Variants in VANGL1 observed in about 807,000 individuals in gnomAD.
VANGL1 encodes the protein vang-like protein 1.
In VANGL1, 18 loss-of-function variants were observed where a neutral mutation model predicts 48.4. The observed-to-expected ratio is 0.37, with a 90% CI of 0.26 to 0.55. The LOEUF (loss-of-function observed/expected upper bound fraction) is 0.55, where lower values mean the gene tolerates loss of function less well. Among genes scored for constraint, VANGL1 ranks in the 20% least tolerant of loss-of-function variants. The pLI is 0.81. For synonymous variants in VANGL1, 257 were observed against 261.8 expected, an observed-to-expected ratio of 0.98 and a Z score of 0.18; for missense variants, 667 against 675.8, an observed-to-expected ratio of 0.99 and a Z score of 0.14.
At chr1:115,663,325 A>G (rs921933043) in intron 3 of VANGL1, among the ~76,000 whole-genome samples, 2 of 152,188 alleles carry the variant, frequency 1.3e-5, no homozygotes, top group Non-Finnish European at 2.9e-5. Flanking sequence ...TGGGTTGCGC[A>G]TTGCAGGGCA....
At position 115,687,559 on chromosome 1, in the gene VANGL1, C is replaced by T. The variant is rs193293379; in HGVS notation, c.1314+2032C>T. 1.5e-3 allele frequency among the ~76,000 whole-genome samples: 206 copies of T among 138,416 alleles called. 45 individuals are homozygous for T. The highest frequency in any genetic ancestry group is 5.5e-3 in the African/African-American group (204 of 36,894). 90.8% of individuals were successfully genotyped at this position (138,416 alleles called of 152,430 possible). On this transcript the variant is annotated intron_variant, in intron 7 of 7. Coordinates refer to ENST00000355485, the MANE Select transcript of VANGL1 (RefSeq NM_138959.3). The stretch of plus-strand genomic sequence containing the variant: ...AAATCCAAACATTAAAGAAAAGTAT[C>T]ATGCGGAAAATGAAGTTTTCAGCCC...
intron 1 of VANGL1, among the ~76,000 whole-genome samples, chr1:115,648,782 C>CT (rs1227142429): frequency 6.6e-6 from 1 of 152,204 alleles, no homozygotes; most frequent in East Asian, 1.9e-4. Flanking sequence ...TCTGCGGGGC[C>CT]TGGGCCACCT....
chr1:115,680,098 C>T (rs1394918214), intron 4 of VANGL1, among the ~76,000 whole-genome samples: 3 of 151,982 alleles, frequency 2.0e-5, no homozygotes, highest in Admixed American at 6.6e-5. Context: ...TAAAGAAACA[C>T]TTGCCCCTCT....
chr1:115,676,757 C>G (rs1240329401), intron 4 of VANGL1, among the ~76,000 whole-genome samples: 1 of 152,240 alleles, frequency 6.6e-6, no homozygotes, highest in Non-Finnish European at 1.5e-5. Flanking sequence ...CGACCTCAGC[C>G]AGCACCTGGT....
At chr1:115,655,054 G>A (rs1323325966) in intron 2 of VANGL1, among the ~76,000 whole-genome samples, 2 of 152,204 alleles carry the variant, frequency 1.3e-5, no homozygotes, top group African/African-American at 2.4e-5. Flanking sequence ...GAGGGCCGCC[G>A]GGGCAGTGAG....
In VANGL1 at chr1:115,659,032, G is replaced by A. The variant is rs568149069; in HGVS notation, c.72-609G>A. The stretch of plus-strand genomic sequence containing the variant: ...TTTGGCCTTTTTTCCTAGCTTGTTT[G>A]TTTCTATGGGTGTCTTCAAGTTCAA... On this transcript the variant is annotated intron_variant, in intron 2 of 7. Transcript: ENST00000355485. 7.7e-4 allele frequency among the ~76,000 whole-genome samples: 117 copies of A among 151,986 alleles called. 1 individual carries two copies. Among genetic ancestry groups the A allele is most frequent in the Middle Eastern group, 3.4e-3 (1 of 294 alleles).
In VANGL1 at chr1:115,696,172, C is replaced by T. The variant is rs561517528; in HGVS notation, c.*4793C>T. 6.6e-6 allele frequency: 1 copy of T among 152,506 alleles called. No individual in the cohort carries two copies. Among genetic ancestry groups the T allele is most frequent in the South Asian group, 2.1e-4 (1 of 4,830 alleles). 9.4% of individuals were successfully genotyped at this position (152,506 alleles called of 1,614,324 possible). A position where few individuals can be genotyped will look rare whatever the true frequency, so the allele number is the denominator to read the frequency against. ...CTGCTGGCTTGGGCAAGATGCGTGCCTTGGGCCTTGGGTGCAGGGAGGCAG... is the reference window on the plus strand; with the variant it reads ...CTGCTGGCTTGGGCAAGATGCGTGCTTTGGGCCTTGGGTGCAGGGAGGCAG... On this transcript the variant is annotated 3_prime_UTR_variant, in exon 8 of 8. Transcript: ENST00000355485.
At position 115,691,109 on chromosome 1, in the gene VANGL1, C is replaced by T. The variant is rs757783317; in HGVS notation, c.1315-10C>T. The T allele has an allele frequency of 2.5e-6, 4 of 1,614,208 alleles. No individual in the cohort carries two copies. The highest frequency in any genetic ancestry group is 3.4e-6 in the Non-Finnish European group (4 of 1,180,056). Reference sequence around the variant, plus strand: ...TTTCTTCCCTAATGGCCTTTCTCCTCTGCTTCCAGGCCTTCCTAGAACGGT... The same window carrying T: ...TTTCTTCCCTAATGGCCTTTCTCCTTTGCTTCCAGGCCTTCCTAGAACGGT... On this transcript the variant is annotated splice_polypyrimidine_tract_variant and intron_variant, in intron 7 of 7. Transcript: ENST00000355485.
intron 2 of VANGL1, among the ~76,000 whole-genome samples, chr1:115,652,645 C>T (rs1223360946): frequency 2.0e-5 from 3 of 152,196 alleles, no homozygotes; most frequent in African/African-American, 7.2e-5. Flanking sequence ...CAGCTCTGCA[C>T]TGGCTTGGGA....
chr1:115,684,019 A>G lies in VANGL1; in HGVS notation c.1022A>G (p.Asn341Ser), dbSNP rs764624668. The change falls in exon 6 of 8, where the codon AAC becomes AGC. Residue 341 changes from asparagine to serine, a missense_variant. Physicochemically the swap from Asn to Ser is conservative, Grantham distance 46. Coordinates refer to ENST00000355485, the MANE Select transcript of VANGL1 (RefSeq NM_138959.3). ...AAARRRDSSH[N>S]ELYYEEAEHE... ...GCTCGGCGCAGGGACTCAAGCCACAACGAGTTGTATTATGAAGAGGCCGAA... is the reference window on the plus strand; with the variant it reads ...GCTCGGCGCAGGGACTCAAGCCACAGCGAGTTGTATTATGAAGAGGCCGAA... 6.2e-7 allele frequency: 1 copy of G among 1,614,180 alleles called. No homozygotes were observed. The highest frequency in any genetic ancestry group is 8.5e-7 in the Non-Finnish European group (1 of 1,180,010).
intron 1 of VANGL1, among the ~76,000 whole-genome samples, chr1:115,648,552 A>G (rs1177733075): frequency 6.6e-6 from 1 of 152,226 alleles, no homozygotes; most frequent in Non-Finnish European, 1.5e-5. Flanking sequence ...AATGAGGACA[A>G]GGAATGAAGT....
rs1653821632 is a variant in VANGL1, at chr1:115,691,263, G to A, written c.1459G>A (p.Asp487Asn). ...DGIVFVLKCL[D>N]FSLVVNVKKI... ...AATTGTGTTCGTCCTTAAGTGCTTG[G>A]ACTTCAGCCTCGTAGTCAATGTGAA... Residue 487 changes from aspartate to asparagine, a missense_variant, in exon 8 of 8, where the codon GAC becomes AAC. Asp to Asn is a conservative substitution (Grantham distance 23). Transcript: ENST00000355485. The A allele has an allele frequency of 2.5e-6, 4 of 1,614,090 alleles. No individual in the cohort carries two copies. The highest frequency in any genetic ancestry group is 2.2e-5 in the East Asian group (1 of 44,870).
At chr1:115,658,576 A>C (rs1652430645) in intron 2 of VANGL1, among the ~76,000 whole-genome samples, 1 of 152,196 alleles carries the variant, frequency 6.6e-6, no homozygotes, top group African/African-American at 2.4e-5. Flanking sequence ...GTTTGTCTCC[A>C]AAATCTGCTT....
intron 7 of VANGL1, among the ~76,000 whole-genome samples, chr1:115,687,938 G>GTAGATAGATAGA (rs71096827): frequency 0.011 from 1,239 of 112,704 alleles, 155 homozygotes; most frequent in Non-Finnish European, 0.014. Flanking sequence ...CATTCATTAG[G>GTAGATAGATAGA]TAGATAGATA....
chr1:115,662,214 A>G (rs2101002603), intron 3 of VANGL1, among the ~76,000 whole-genome samples: 1 of 123,254 alleles, frequency 8.1e-6, no homozygotes, highest in South Asian at 4.5e-4. Context: ...TACATTTCAT[A>G]AATCATGGTT....
intron 4 of VANGL1, among the ~76,000 whole-genome samples, chr1:115,677,621 G>A (rs1653216674): frequency 1.3e-5 from 2 of 152,186 alleles, no homozygotes; most frequent in African/African-American, 2.4e-5. Context: ...AATCTATGTG[G>A]TCTGGGAGAG....
Position 115,692,032 on chromosome 1 carries a change from G to A in VANGL1, c.*653G>A. 1 of 153,098 alleles carries A rather than the reference G, an allele frequency of 6.5e-6. No individual in the cohort carries two copies. The allele number at this position is 153,098 out of a possible 1,614,324, so 9.5% of individuals were successfully genotyped here. On this transcript the variant is annotated 3_prime_UTR_variant, in exon 8 of 8. Transcript: ENST00000355485. ...TGTTTCTGATCCCACCCCTCTGCTG[G>A]CTTGAAGCAGGTAACCCTTTCCCAG...
At chr1:115,667,417 A>G (rs1356015757) in intron 4 of VANGL1, among the ~76,000 whole-genome samples, 3 of 152,192 alleles carry the variant, frequency 2.0e-5, no homozygotes, top group Non-Finnish European at 2.9e-5. Flanking sequence ...ATAGATTGAG[A>G]TACTTCCTAA....
Position 115,645,382 on chromosome 1 carries a change from G to T in VANGL1, c.-138+3296G>T, listed in dbSNP as rs562180671. Among the ~76,000 whole-genome samples, 182 of 152,296 alleles carry T rather than the reference G, an allele frequency of 1.2e-3. 4 individuals are homozygous for T. In the South Asian group the frequency reaches 0.035, roughly 29 times the overall value. ...TTTACTCTAGTGAATACTAGTAGTA[G>T]TTGACAGCTGTGAGTGCCTACCACG... On this transcript the variant is annotated intron_variant, in intron 1 of 7. Transcript: ENST00000355485.
Sources: gnomAD v4.1 joint callset for allele counts (sites outside exome capture counted in the v4.1 genomes callset) on GRCh38, gnomAD v4.1.1 for gene constraint, MANE v1.5 for transcripts, NCBI Gene and HGNC (gene_info 2026-07-23, HGNC 2026-07-21) for gene names.